PID1: variants seen among roughly 807,000 people sequenced by gnomAD.
The protein encoded by PID1 is phosphotyrosine interaction domain containing 1.
In PID1, 10 loss-of-function variants were observed where a neutral mutation model predicts 19.1. The observed-to-expected ratio is 0.52, with a 90% CI of 0.32 to 0.89. The LOEUF (loss-of-function observed/expected upper bound fraction) is 0.89, where lower values mean the gene tolerates loss of function less well. Among genes scored for constraint, PID1 ranks in the 40% least tolerant of loss-of-function variants. PID1 has a pLI of 0.03. For synonymous variants in PID1, 130 were observed against 116.0 expected, an observed-to-expected ratio of 1.12 and a Z score of -0.78; for missense variants, 248 against 285.3, an observed-to-expected ratio of 0.87 and a Z score of 0.94.
At chr2:229,105,862 G>A (rs1462076924) in intron 2 of PID1, among the ~76,000 whole-genome samples, 1 of 152,146 alleles carries the variant, frequency 6.6e-6, no homozygotes, top group Non-Finnish European at 1.5e-5. Flanking sequence ...GGCACATCAT[G>A]AGGTCAGGAG....
At chr2:229,046,327 C>T (rs1693875943) in intron 2 of PID1, among the ~76,000 whole-genome samples, 2 of 150,492 alleles carry the variant, frequency 1.3e-5, no homozygotes, top group Non-Finnish European at 2.9e-5. Context: ...GCTGAAACTT[C>T]AGCATCCCTA....
chr2:229,134,231 G>T (rs368931592), intron 2 of PID1, among the ~76,000 whole-genome samples: 9 of 109,208 alleles, frequency 8.2e-5, no homozygotes, highest in South Asian at 7.9e-4. Flanking sequence ...TACTACCTGT[G>T]TTTTTTTTTT....
chr2:229,128,407 G>A (rs1695668914), intron 2 of PID1, among the ~76,000 whole-genome samples: 1 of 152,090 alleles, frequency 6.6e-6, no homozygotes, highest in South Asian at 2.1e-4. Context: ...CTCTGATGTG[G>A]GTATAACTGT....
intron 1 of PID1, among the ~76,000 whole-genome samples, chr2:229,195,410 G>A (rs1249396206): frequency 6.6e-6 from 1 of 151,140 alleles, no homozygotes; most frequent in Non-Finnish European, 1.5e-5. Context: ...TACATAACAT[G>A]CATACATACA....
chr2:229,114,101 ATCTCTCTCTCTTTCTCTCTCTC>A (rs1161511207), intron 2 of PID1, among the ~76,000 whole-genome samples: 20 of 116,136 alleles, frequency 1.7e-4, no homozygotes, highest in African/African-American at 5.6e-4. Flanking sequence ...ACTTGCCAGC[ATCTCTCTCTCTTTCTCTCTCTC>A]TCTCTCTCTC....
chr2:229,154,175 T>G (rs1016036577), intron 2 of PID1, among the ~76,000 whole-genome samples: 1 of 152,158 alleles, frequency 6.6e-6, no homozygotes, highest in Non-Finnish European at 1.5e-5. Flanking sequence ...ATGAGTCACA[T>G]AGCTCACTTG....
At position 229,211,772 on chromosome 2, in the gene PID1, T is replaced by C. The variant is rs143394137; in HGVS notation, c.31-55808A>G. Among the ~76,000 whole-genome samples, 1,201 of 152,318 alleles carry C rather than the reference T, an allele frequency of 7.9e-3. 12 individuals are homozygous for C. Among genetic ancestry groups the C allele is most frequent in the Non-Finnish European group, 0.013 (878 of 68,024 alleles). ...AAATGAGGTTGTCAGAAAAGAAAGT[T>C]TCTGGGAAAGAAAGCATCACAACAC... On this transcript the variant is annotated intron_variant, in intron 1 of 2. Transcript: ENST00000392055.
intron 1 of PID1, among the ~76,000 whole-genome samples, chr2:229,186,732 C>T (rs1224945124): frequency 3.3e-5 from 5 of 152,188 alleles, no homozygotes; most frequent in Non-Finnish European, 7.4e-5. Flanking sequence ...GACATTTTCC[C>T]CATTGTCTTG....
intron 1 of PID1, among the ~76,000 whole-genome samples, chr2:229,205,413 T>G (rs1691589557): frequency 6.6e-6 from 1 of 152,148 alleles, no homozygotes; most frequent in Admixed American, 6.5e-5. Flanking sequence ...CACTTTTATC[T>G]ACCAATTAAA....
chr2:229,057,664 G>A (rs1694132671), intron 2 of PID1, among the ~76,000 whole-genome samples: 1 of 152,122 alleles, frequency 6.6e-6, no homozygotes, highest in Admixed American at 6.6e-5. Context: ...ACCAACATAG[G>A]AGAGCCTAAT....
At chr2:229,092,904 C>T (rs1443477755) in intron 2 of PID1, among the ~76,000 whole-genome samples, 1 of 152,040 alleles carries the variant, frequency 6.6e-6, no homozygotes, top group Non-Finnish European at 1.5e-5. Flanking sequence ...GTTTAAAGTT[C>T]TTCATCTTTT....
chr2:229,171,303 G>T (rs752285139), intron 1 of PID1, among the ~76,000 whole-genome samples: 4 of 152,190 alleles, frequency 2.6e-5, no homozygotes, highest in Non-Finnish European at 4.4e-5. Flanking sequence ...TGGTCAGGAA[G>T]GTGACATGCC....
chr2:229,185,176 G>A (rs1270802497), intron 1 of PID1, among the ~76,000 whole-genome samples: 1 of 150,830 alleles, frequency 6.6e-6, no homozygotes, highest in East Asian at 1.9e-4. Flanking sequence ...CTCCCAGTTT[G>A]TGATACTTTG....
intron 2 of PID1, among the ~76,000 whole-genome samples, chr2:229,038,417 G>A (rs1424043981): frequency 4.6e-5 from 7 of 152,058 alleles, no homozygotes; most frequent in Non-Finnish European, 8.8e-5. Flanking sequence ...ATTATACTGA[G>A]TCAAAGTCAT....
chr2:229,078,292 T>C (rs1694603615), intron 2 of PID1, among the ~76,000 whole-genome samples: 1 of 152,204 alleles, frequency 6.6e-6, no homozygotes, highest in South Asian at 2.1e-4. Context: ...TTAAGGGGCT[T>C]TTTGGCTGAC....
rs11556142 is a variant in PID1 at position 229,271,066 on chromosome 2, G to A, written c.-23C>T. On this transcript the variant is annotated 5_prime_UTR_variant, in exon 1 of 3. Coordinates refer to ENST00000392055, the MANE Select transcript of PID1 (RefSeq NM_001100818.2). ...CATCTTCCAGCCCTGGGTTTTGGCA[G>A]AGGAGACGCTGGCGAGACTGTCGAT... 48 of 1,542,354 alleles carry A rather than the reference G, an allele frequency of 3.1e-5. No individual in the cohort carries two copies. The highest frequency in any genetic ancestry group is 5.0e-5 in the East Asian group (2 of 39,932).
intron 1 of PID1, among the ~76,000 whole-genome samples, chr2:229,226,406 C>T (rs184648084): frequency 9.3e-4 from 141 of 152,288 alleles, no homozygotes; most frequent in African/African-American, 3.1e-3. Flanking sequence ...GTTGCTGAAT[C>T]CAGCAGTAAA....
At chr2:229,213,598 AT>A in intron 1 of PID1, among the ~76,000 whole-genome samples, 1 of 152,322 alleles carries the variant, frequency 6.6e-6, no homozygotes, top group East Asian at 1.9e-4. Context: ...TTCTCAGTCA[AT>A]AACATGTTGA....
chr2:229,132,531 G>A (rs1574654227), intron 2 of PID1, among the ~76,000 whole-genome samples: 1 of 152,298 alleles, frequency 6.6e-6, no homozygotes, highest in South Asian at 2.1e-4. Context: ...TCAAGTGCTA[G>A]AAATTCTTAG....
Sources: allele counts gnomAD v4.1 joint callset (sites outside exome capture counted in the v4.1 genomes callset), GRCh38; gene constraint gnomAD v4.1.1; transcripts MANE v1.5; gene names NCBI Gene and HGNC (gene_info 2026-07-23, HGNC 2026-07-21).